Variants in P2RY8 observed in about 807,000 individuals in gnomAD.
P2RY8 encodes P2Y receptor family member 8.
A neutral mutation model predicts 10.0 loss-of-function variants in P2RY8; 6 were observed. That is an observed-to-expected ratio of 0.60 (90% confidence interval 0.33 to 1.19). The LOEUF (loss-of-function observed/expected upper bound fraction) is 1.19, where lower values mean the gene tolerates loss of function less well. P2RY8 is among the 50% of genes most tolerant of loss of function. The probability of loss-of-function intolerance (pLI) is 0.04; values close to 1 mark genes in which losing one functional copy is unlikely to be tolerated. For missense variants in P2RY8, 456 were observed against 542.0 expected (o/e 0.84, Z 1.58); for synonymous variants, 276 against 252.5 (o/e 1.09, Z -0.88).
At chrX:1,494,962 C>G (rs1260853348) in intron 1 of P2RY8, among the ~76,000 whole-genome samples, 2 of 139,522 alleles carry the variant, frequency 1.4e-5, no homozygotes, top group African/African-American at 4.9e-5. Context: ...AGGTGATCCA[C>G]CCGCCTCGGC....
intron 1 of P2RY8, among the ~76,000 whole-genome samples, chrX:1,484,986 CT>C (rs773650240): frequency 0.41 from 32,914 of 80,548 alleles, 6,605 homozygotes; most frequent in South Asian, 0.52. Flanking sequence ...GTAATAATGT[CT>C]TTTTTTTTTT....
intron 1 of P2RY8, among the ~76,000 whole-genome samples, chrX:1,501,996 C>T (rs1328210634): frequency 5.3e-5 from 8 of 152,088 alleles, no homozygotes; most frequent in Admixed American, 2.6e-4. Context: ...CTGCAACCTC[C>T]GCCTCCCGGG....
chrX:1,520,874 C>T (rs2092385198), intron 1 of P2RY8, among the ~76,000 whole-genome samples: 1 of 151,572 alleles, frequency 6.6e-6, no homozygotes, highest in Admixed American at 6.6e-5. Flanking sequence ...GTCCCTGGTT[C>T]CCAATAATTT....
At chrX:1,498,286 G>A (rs1234801224) in intron 1 of P2RY8, among the ~76,000 whole-genome samples, 5 of 150,162 alleles carry the variant, frequency 3.3e-5, no homozygotes, top group African/African-American at 1.2e-4. Context: ...GGTGCCTGTA[G>A]TCCCAGCTAC....
chrX:1,463,056 C>G lies in P2RY8; in HGVS notation c.*2423G>C, dbSNP rs774800238. ...GGACGTCAGGGTTCTCGCACGTTGT[C>G]GAGGAAGGATATTGTCTCGGCTTCC... is the stretch of plus-strand genomic sequence containing the variant. On this transcript the variant is annotated 3_prime_UTR_variant, in exon 2 of 2. Coordinates refer to ENST00000381297, the MANE Select transcript of P2RY8 (RefSeq NM_178129.5). 8.6e-6 allele frequency: 2 copies of G among 232,926 alleles called. No individual in the cohort carries two copies. Among genetic ancestry groups the G allele is most frequent in the Admixed American group, 5.6e-5 (1 of 17,740 alleles). 14.4% of individuals were successfully genotyped at this position (232,926 alleles called of 1,614,324 possible). A position where few individuals can be genotyped will look rare whatever the true frequency, so the allele number is the denominator to read the frequency against.
chrX:1,480,040 G>T (rs1386502045), intron 1 of P2RY8, among the ~76,000 whole-genome samples: 1 of 152,108 alleles, frequency 6.6e-6, no homozygotes, highest in Non-Finnish European at 1.5e-5. Flanking sequence ...GTTTACTGAT[G>T]AATTTTCCCC....
chrX:1,472,227 A>G (rs1193378800), intron 1 of P2RY8, among the ~76,000 whole-genome samples: 1 of 151,768 alleles, frequency 6.6e-6, no homozygotes, highest in East Asian at 1.9e-4. Flanking sequence ...ATGTGGTCAT[A>G]ATAGAGTAGG....
chrX:1,471,578 A>G (rs1417534093), intron 1 of P2RY8, among the ~76,000 whole-genome samples: 1 of 151,462 alleles, frequency 6.6e-6, no homozygotes, highest in Non-Finnish European at 1.5e-5. Context: ...AAGTGCTGGG[A>G]TGACAGGTGT....
chrX:1,505,615 C>T (rs1246330042), intron 1 of P2RY8, among the ~76,000 whole-genome samples: 3 of 152,150 alleles, frequency 2.0e-5, no homozygotes, highest in Admixed American at 6.5e-5. Flanking sequence ...CATGGTGAAA[C>T]TCCATCTCTA....
At chrX:1,524,606 T>TCCATCCATAC (rs1569538707) in intron 1 of P2RY8, among the ~76,000 whole-genome samples, 1 of 16,504 alleles carries the variant, frequency 6.1e-5, no homozygotes, top group Non-Finnish European at 1.2e-4. Context: ...TTCATCCATC[T>TCCATCCATAC]ATCCATCCAT....
chrX:1,500,920 G>A (rs1253164850), intron 1 of P2RY8, among the ~76,000 whole-genome samples: 3 of 152,122 alleles, frequency 2.0e-5, no homozygotes, highest in African/African-American at 4.8e-5. Context: ...CAACCTCCCC[G>A]CCAGAGGGAA....
At chrX:1,509,501 CTCCA>C (rs2092276097) in intron 1 of P2RY8, among the ~76,000 whole-genome samples, 1 of 119,760 alleles carries the variant, frequency 8.4e-6, no homozygotes, top group South Asian at 2.9e-4. Flanking sequence ...CCATCCATCC[CTCCA>C]TCCATCCATT....
intron 1 of P2RY8, among the ~76,000 whole-genome samples, chrX:1,528,857 T>C (rs1416175009): frequency 6.6e-6 from 1 of 152,180 alleles, no homozygotes; most frequent in African/African-American, 2.4e-5. Context: ...TCTCTTTGAA[T>C]GAGTGTGGAC....
chrX:1,477,814 G>A (rs2091892351), intron 1 of P2RY8, among the ~76,000 whole-genome samples: 1 of 152,144 alleles, frequency 6.6e-6, no homozygotes, highest in African/African-American at 2.4e-5. Flanking sequence ...CAGAGCTCAG[G>A]AGTACTTTCC....
At chrX:1,499,850 GTTTTGTT>G (rs2092157137) in intron 1 of P2RY8, among the ~76,000 whole-genome samples, 1 of 101,212 alleles carries the variant, frequency 9.9e-6, no homozygotes, top group African/African-American at 3.4e-5. Flanking sequence ...TTTTTGTTTT[GTTTTGTT>G]TTGTTTTGTT....
At chrX:1,504,435 C>T (rs1434097038) in intron 1 of P2RY8, among the ~76,000 whole-genome samples, 2 of 152,146 alleles carry the variant, frequency 1.3e-5, no homozygotes, top group Admixed American at 1.3e-4. Flanking sequence ...TTAGTGGTGA[C>T]CCTGTCCACC....
intron 1 of P2RY8, among the ~76,000 whole-genome samples, chrX:1,514,334 CCTTT>C: frequency 1.3e-5 from 1 of 78,696 alleles, no homozygotes; most frequent in Non-Finnish European, 3.4e-5. Flanking sequence ...CCATTTCTTT[CCTTT>C]CCTTCCCTTC....
At chrX:1,485,927 T>A (rs1159622878) in intron 1 of P2RY8, among the ~76,000 whole-genome samples, 1 of 151,932 alleles carries the variant, frequency 6.6e-6, no homozygotes, top group Non-Finnish European at 1.5e-5. Context: ...TTAGAAAATG[T>A]ATAAAAAGGG....
chrX:1,511,304 C>T (rs2092296018), intron 1 of P2RY8, among the ~76,000 whole-genome samples: 1 of 152,216 alleles, frequency 6.6e-6, no homozygotes, highest in South Asian at 2.1e-4. Context: ...GCATGTTTGT[C>T]CTGTATCCAC....
Sources: gnomAD v4.1 joint callset for allele counts (sites outside exome capture counted in the v4.1 genomes callset) on GRCh38, gnomAD v4.1.1 for gene constraint, MANE v1.5 for transcripts, NCBI Gene and HGNC (gene_info 2026-07-23, HGNC 2026-07-21) for gene names.